Variants in ASH2L observed in about 807,000 individuals in gnomAD.
ASH2L encodes the protein ASH2 like, histone lysine methyltransferase complex subunit, also known as set1/Ash2 histone methyltransferase complex subunit ASH2.
Under a neutral mutation model 81.1 loss-of-function variants are expected in ASH2L, and 30 were observed. That is an observed-to-expected ratio of 0.37 (90% confidence interval 0.28 to 0.50). The LOEUF is 0.50. Ranked by LOEUF, ASH2L falls within the 20% of genes least tolerant of loss-of-function variation. ASH2L has a pLI of 0.95. For synonymous variants in ASH2L, 273 were observed against 279.9 expected (o/e 0.98, Z 0.24); for missense variants, 559 against 792.1 (o/e 0.71, Z 3.53).
At chr8:38,108,845 C>G (rs187287824) in intron 3 of ASH2L, among the ~76,000 whole-genome samples, 1 of 151,960 alleles carries the variant, frequency 6.6e-6, no homozygotes, top group African/African-American at 2.4e-5. Context: ...TTTAGGAGGC[C>G]GAGACAGGAG....
intron 8 of ASH2L, 113 bp from the exon 9 acceptor site, chr8:38,119,157 C>G (rs1811030364): frequency 7.7e-6 from 7 of 912,270 alleles, no homozygotes; most frequent in Non-Finnish European, 1.2e-5. Context: ...GAAGGAAATC[C>G]TCCTGTGGTG....
chr8:38,108,503 C>T (rs1810545054), intron 3 of ASH2L, among the ~76,000 whole-genome samples: 1 of 132,516 alleles, frequency 7.5e-6, no homozygotes, highest in Admixed American at 8.5e-5. Flanking sequence ...TAGATCCTAT[C>T]AGTGGTATCA....
chr8:38,122,419 GAGA>G (rs1801663870), intron 10 of ASH2L: 1 of 152,060 alleles, frequency 6.6e-6, no homozygotes, highest in Non-Finnish European at 1.5e-5. Flanking sequence ...GAATGATAAA[GAGA>G]AGATGCATGG....
At chr8:38,106,902 C>T (rs546359163) in intron 2 of ASH2L, 119 bp from the exon 3 acceptor site, 77 of 1,246,266 alleles carry the variant, frequency 6.2e-5, no homozygotes, top group South Asian at 2.1e-4. Context: ...AGGCTGAGAC[C>T]TCAGGATCAC....
rs1802401596 is a variant in ASH2L, at chr8:38,139,710, A to G, written c.*639A>G. The G allele has an allele frequency of 6.6e-6, 1 of 152,168 alleles. No individual in the cohort carries two copies. Among genetic ancestry groups the G allele is most frequent in the African/African-American group, 2.4e-5 (1 of 41,438 alleles). 9.4% of individuals were successfully genotyped at this position (152,168 alleles called of 1,614,324 possible). The stretch of plus-strand genomic sequence containing the variant: ...AAACTTGTTTTGAAGTTTATGTGAC[A>G]CTTTGCTTCCCTTCAGATTGGGTGC... On this transcript the variant is annotated 3_prime_UTR_variant, in exon 16 of 16. Coordinates refer to ENST00000343823, the MANE Select transcript of ASH2L (RefSeq NM_004674.5).
chr8:38,118,168 G>A (rs924861455), intron 8 of ASH2L, among the ~76,000 whole-genome samples: 1 of 152,302 alleles, frequency 6.6e-6, no homozygotes, highest in Middle Eastern at 3.4e-3. Flanking sequence ...TAACATCTGA[G>A]GTGTTCACCA....
At position 38,128,899 on chromosome 8, in the gene ASH2L, T is replaced by A; in HGVS notation, c.1475T>A (p.Leu492His). The change falls in exon 12 of 16, where the codon CTT (leucine) becomes CAT (histidine). Residue 492 changes from leucine (L) to histidine (H), a missense_variant. Transcript: ENST00000343823. ...QGDVLGFYINLPEDTETAKSL... is the reference protein window; with the variant it reads ...QGDVLGFYINHPEDTETAKSL... ...GACGTCCTGGGATTTTATATTAATC[T>A]TCCTGAAGACACAGAGACAGCCAAG... The A allele has an allele frequency of 6.2e-7, 1 of 1,614,082 alleles. No individual in the cohort carries two copies. The highest frequency in any genetic ancestry group is 8.5e-7 in the Non-Finnish European group (1 of 1,179,980).
intron 10 of ASH2L, among the ~76,000 whole-genome samples, chr8:38,122,074 T>C (rs1262180717): frequency 2.0e-5 from 3 of 152,244 alleles, no homozygotes; most frequent in East Asian, 1.9e-4. Flanking sequence ...TTTCTGTTAA[T>C]TGATTATTTA....
intron 9 of ASH2L, among the ~76,000 whole-genome samples, chr8:38,120,063 T>G (rs1022818052): frequency 1.3e-5 from 2 of 152,258 alleles, no homozygotes; most frequent in African/African-American, 2.4e-5. Flanking sequence ...AGGCAGAGGT[T>G]GTAGTGAGCT....
chr8:38,128,724 T>C (rs1397582484), intron 11 of ASH2L, 34 bp from the exon 12 acceptor site: 1 of 1,585,282 alleles, frequency 6.3e-7, no homozygotes, highest in African/African-American at 1.4e-5. Context: ...ACTTGCAATC[T>C]TCTGACTTCC....
rs946454625 is a variant in ASH2L, at chr8:38,139,818, GT to G, written c.*751del. On this transcript the variant is annotated 3_prime_UTR_variant, in exon 16 of 16. Transcript: ENST00000343823. ...AGGAAGAGCCGGGTTTCTGAGTTGT[GT>G]TTTGGCTGCTTTCCTATTGCTCCCA... 4 of 152,166 alleles carry G rather than the reference GT, an allele frequency of 2.6e-5. No individual in the cohort carries two copies. Among genetic ancestry groups the G allele is most frequent in the African/African-American group, 9.7e-5 (4 of 41,448 alleles). 9.4% of individuals were successfully genotyped at this position (152,166 alleles called of 1,614,324 possible). A position where few individuals can be genotyped will look rare whatever the true frequency, so the allele number is the denominator to read the frequency against.
Position 38,139,183 on chromosome 8 carries a change from CT to C in ASH2L, c.*116del. ...AAAGATGCTAAAAACACAGCCTCTC[CT>C]TTTAGCAAGTTAAAAGGCTGGGTAG... On this transcript the variant is annotated 3_prime_UTR_variant, in exon 16 of 16. Coordinates refer to ENST00000343823, the MANE Select transcript of ASH2L (RefSeq NM_004674.5). The C allele has an allele frequency of 1.1e-6, 1 of 875,454 alleles. No individual in the cohort carries two copies. Among genetic ancestry groups the C allele is most frequent in the Non-Finnish European group, 1.7e-6 (1 of 587,160 alleles). 54.2% of individuals were successfully genotyped at this position (875,454 alleles called of 1,614,324 possible). A position where few individuals can be genotyped will look rare whatever the true frequency, so the allele number is the denominator to read the frequency against.
chr8:38,124,426 G>A (rs898368251), intron 10 of ASH2L: 7 of 152,192 alleles, frequency 4.6e-5, no homozygotes, highest in Admixed American at 3.9e-4. Context: ...GCCCAGGATG[G>A]TCTTGAACTC....
chr8:38,132,114 T>G (rs1351323216), intron 12 of ASH2L, among the ~76,000 whole-genome samples: 1 of 152,150 alleles, frequency 6.6e-6, no homozygotes, highest in Non-Finnish European at 1.5e-5. Flanking sequence ...CCCAAAATGC[T>G]GGGATTACAA....
intron 3 of ASH2L, among the ~76,000 whole-genome samples, chr8:38,108,033 C>G (rs778229095): frequency 6.6e-6 from 1 of 152,166 alleles, no homozygotes; most frequent in Non-Finnish European, 1.5e-5. Flanking sequence ...CTTCTGAGCT[C>G]AAGGGATCCT....
At chr8:38,114,532 T>C (rs1253946209) in intron 6 of ASH2L, among the ~76,000 whole-genome samples, 1 of 152,184 alleles carries the variant, frequency 6.6e-6, no homozygotes, top group Non-Finnish European at 1.5e-5. Flanking sequence ...TTGTCCACAG[T>C]ACTTTTCCAA....
chr8:38,119,735 G>T (rs564163385), intron 9 of ASH2L, among the ~76,000 whole-genome samples: 1 of 151,980 alleles, frequency 6.6e-6, no homozygotes, highest in Non-Finnish European at 1.5e-5. Context: ...AACCTGGGAG[G>T]CGGGTGGCAG....
intron 3 of ASH2L, 70 bp downstream of exon 3, chr8:38,107,236 T>A (rs1427299244): frequency 1.9e-6 from 3 of 1,588,230 alleles, no homozygotes; most frequent in East Asian, 4.5e-5. Context: ...AACAGTTACT[T>A]TGTGGGCAAA....
intron 12 of ASH2L, among the ~76,000 whole-genome samples, chr8:38,130,456 A>G (rs556100376): frequency 1.3e-5 from 2 of 151,108 alleles, no homozygotes; most frequent in Admixed American, 6.6e-5. Context: ...TGATTTATCA[A>G]ATTTTTCTTT....
Sources: gnomAD v4.1 joint callset for allele counts (sites outside exome capture counted in the v4.1 genomes callset) on GRCh38, gnomAD v4.1.1 for gene constraint, MANE v1.5 for transcripts, NCBI Gene and HGNC (gene_info 2026-07-23, HGNC 2026-07-21) for gene names.